The following DLGAP2 variants were observed in gnomAD, a reference collection of about 807,000 sequenced individuals.
DLGAP2 encodes the protein disks large-associated protein 2.
A neutral mutation model predicts 100.3 loss-of-function variants in DLGAP2; 26 were observed. The ratio of observed to expected loss-of-function variants is 0.26; its 90% confidence interval spans 0.19 to 0.36. DLGAP2 has a LOEUF of 0.36. Among genes scored for constraint, DLGAP2 ranks in the 10% least tolerant of loss-of-function variants. DLGAP2 has a pLI of 1.00. For synonymous variants in DLGAP2, 886 were observed against 630.1 expected (o/e 1.41, Z -6.08); for missense variants, 1,858 against 1,453.2 (o/e 1.28, Z -4.53).
chr8:758,048 A>G (rs1820965706), intron 1 of DLGAP2, among the ~76,000 whole-genome samples: 3 of 152,100 alleles, frequency 2.0e-5, no homozygotes, highest in South Asian at 4.1e-4. Context: ...TATCTGTGAA[A>G]TGGAGATGAT....
At chr8:1,392,464 G>C (rs1290451797) in intron 3 of DLGAP2, among the ~76,000 whole-genome samples, 1 of 152,216 alleles carries the variant, frequency 6.6e-6, no homozygotes, top group African/African-American at 2.4e-5. Context: ...CCGCTGACTT[G>C]GACGCCGCGT....
At chr8:1,341,383 A>G (rs934758832) in intron 3 of DLGAP2, among the ~76,000 whole-genome samples, 1 of 152,188 alleles carries the variant, frequency 6.6e-6, no homozygotes, top group African/African-American at 2.4e-5. Flanking sequence ...ATTTAATTTT[A>G]TTAGATCTTA....
At chr8:1,680,069 T>A (rs555440561) in intron 12 of DLGAP2, among the ~76,000 whole-genome samples, 37 of 151,922 alleles carry the variant, frequency 2.4e-4, no homozygotes, top group African/African-American at 7.7e-4. Flanking sequence ...ATACCACCTG[T>A]CTTTGTTTAT....
At position 1,269,817 on chromosome 8, in the gene DLGAP2, A is replaced by T. The variant is rs74972048; in HGVS notation, c.106+10934A>T. Among the ~76,000 whole-genome samples the T allele has an allele frequency of 3.7e-3, 560 of 152,274 alleles. 4 individuals carry two copies. The highest frequency in any genetic ancestry group is 0.013 in the African/African-American group (523 of 41,556). On this transcript the variant is annotated intron_variant, in intron 3 of 14. Transcript: ENST00000637795. ...ACTGACATTGTATTTTTAAAGCTAG[A>T]GAATCACCGTGGTGTAATGGGCGCG...
chr8:1,251,759 G>T (rs1018412470), intron 2 of DLGAP2, among the ~76,000 whole-genome samples: 1 of 152,202 alleles, frequency 6.6e-6, no homozygotes, highest in Non-Finnish European at 1.5e-5. Flanking sequence ...GTACAGTCAC[G>T]TTGTCATCTT....
intron 6 of DLGAP2, among the ~76,000 whole-genome samples, chr8:1,600,667 C>T (rs1378216397): frequency 1.3e-5 from 2 of 152,192 alleles, no homozygotes; most frequent in African/African-American, 2.4e-5. Flanking sequence ...ATTGATTCAG[C>T]TATTGATACT....
intron 6 of DLGAP2, among the ~76,000 whole-genome samples, chr8:1,572,600 A>T (rs1482107248): frequency 9.4e-6 from 1 of 106,228 alleles, no homozygotes; most frequent in Non-Finnish European, 1.9e-5. Flanking sequence ...TGGTATGGAG[A>T]GGAGAGGGTG....
intron 2 of DLGAP2, chr8:1,019,748 C>A (rs1453509913): frequency 6.6e-6 from 1 of 152,152 alleles, no homozygotes; most frequent in Admixed American, 6.5e-5. Context: ...CTGAGGTGTA[C>A]CCACTTCTGC....
chr8:1,367,644 T>C (rs1802137763), intron 3 of DLGAP2, among the ~76,000 whole-genome samples: 1 of 152,108 alleles, frequency 6.6e-6, no homozygotes, highest in Non-Finnish European at 1.5e-5. Flanking sequence ...TTTTGGAAGG[T>C]AATTGTGGTT....
intron 3 of DLGAP2, among the ~76,000 whole-genome samples, chr8:1,346,534 G>A (rs1208901779): frequency 6.9e-6 from 1 of 144,064 alleles, no homozygotes; most frequent in Non-Finnish European, 1.5e-5. Context: ...TTCCCATACA[G>A]AGCTGCATTG....
intron 8 of DLGAP2, among the ~76,000 whole-genome samples, chr8:1,641,935 CGACCCCGCCGGTCCT>C (rs1797915749): frequency 2.5e-5 from 3 of 120,390 alleles, no homozygotes; most frequent in African/African-American, 1.2e-4. Flanking sequence ...GTGTCACCCT[CGACCCCGCCGGTCCT>C]CACCTGTGTC....
chr8:1,100,526 G>A (rs773722998), intron 2 of DLGAP2, among the ~76,000 whole-genome samples: 3 of 152,146 alleles, frequency 2.0e-5, no homozygotes, highest in Admixed American at 6.6e-5. Context: ...GTGTGTGTGC[G>A]TGCACGTGCC....
At chr8:1,376,367 A>G (rs576287043) in intron 3 of DLGAP2, among the ~76,000 whole-genome samples, 1 of 152,218 alleles carries the variant, frequency 6.6e-6, no homozygotes, top group Non-Finnish European at 1.5e-5. Flanking sequence ...AGCATCGGCC[A>G]CGGGGGCCTG....
At chr8:1,157,922 A>G (rs1179803367) in intron 2 of DLGAP2, among the ~76,000 whole-genome samples, 2 of 152,184 alleles carry the variant, frequency 1.3e-5, no homozygotes, top group Non-Finnish European at 2.9e-5. Context: ...GTGTACGTCA[A>G]CAGTTATCAT....
At chr8:1,078,780 T>C (rs1803706163) in intron 2 of DLGAP2, among the ~76,000 whole-genome samples, 1 of 152,242 alleles carries the variant, frequency 6.6e-6, no homozygotes, top group Non-Finnish European at 1.5e-5. Context: ...ATTGTCTGAA[T>C]GTACCATAGT....
intron 5 of DLGAP2, among the ~76,000 whole-genome samples, chr8:1,554,710 C>G (rs1360300974): frequency 6.6e-6 from 1 of 152,098 alleles, no homozygotes; most frequent in East Asian, 1.9e-4. Flanking sequence ...AGGGTCTCTC[C>G]GGGCACCTAG....
intron 4 of DLGAP2, among the ~76,000 whole-genome samples, chr8:1,537,720 TGAAAGGATGGAAGGAAGGAA>T (rs1563207677): frequency 7.6e-6 from 1 of 132,436 alleles, no homozygotes; most frequent in African/African-American, 2.9e-5. Context: ...GATGGATGGA[TGAAAGGATGGAAGGAAGGAA>T]GGAAGGAAGG....
intron 2 of DLGAP2, among the ~76,000 whole-genome samples, chr8:1,212,401 T>C (rs1798123640): frequency 6.6e-6 from 1 of 152,214 alleles, no homozygotes; most frequent in African/African-American, 2.4e-5. Context: ...ATGGCACAGA[T>C]GATGCCATCC....
At chr8:860,501 G>A (rs544382651) in intron 1 of DLGAP2, among the ~76,000 whole-genome samples, 7 of 152,300 alleles carry the variant, frequency 4.6e-5, no homozygotes, top group South Asian at 2.1e-4. Flanking sequence ...CGCTGGGGCC[G>A]TAGAGAATGG....
Sources: gnomAD v4.1 joint callset for allele counts (sites outside exome capture counted in the v4.1 genomes callset) on GRCh38, gnomAD v4.1.1 for gene constraint, MANE v1.5 for transcripts, NCBI Gene and HGNC (gene_info 2026-07-23, HGNC 2026-07-21) for gene names.